CACNG2: variants seen among roughly 807,000 people sequenced by gnomAD.
CACNG2 encodes calcium voltage-gated channel auxiliary subunit gamma 2.
A neutral mutation model predicts 25.9 loss-of-function variants in CACNG2; 3 were observed. The ratio of observed to expected loss-of-function variants is 0.12; its 90% CI spans 0.05 to 0.30. The LOEUF (loss-of-function observed/expected upper bound fraction) is 0.30, where lower values mean the gene tolerates loss of function less well. Ranked by LOEUF, CACNG2 falls within the 10% of genes least tolerant of loss-of-function variation. The pLI is 1.00. For synonymous variants in CACNG2, 167 were observed against 173.3 expected (o/e 0.96, Z 0.29); for missense variants, 341 against 432.5 (o/e 0.79, Z 1.88).
chr22:36,608,901 A>T (rs372863949), intron 1 of CACNG2, among the ~76,000 whole-genome samples: 47 of 152,234 alleles, frequency 3.1e-4, no homozygotes, highest in African/African-American at 1.1e-3. Flanking sequence ...ATTGTTAATT[A>T]TTATTGTTGT....
chr22:36,634,521 G>A (rs1021788689), intron 1 of CACNG2, among the ~76,000 whole-genome samples: 2 of 152,066 alleles, frequency 1.3e-5, no homozygotes. Context: ...GTGATCTGGG[G>A]GTTTATTTAT....
chr22:36,675,816 C>T (rs1008529465), intron 1 of CACNG2, among the ~76,000 whole-genome samples: 2 of 152,220 alleles, frequency 1.3e-5, no homozygotes, highest in Non-Finnish European at 2.9e-5. Flanking sequence ...AAAAGAAAGG[C>T]TGATTTTACT....
chr22:36,606,612 G>A lies in CACNG2; in HGVS notation c.212-19064C>T, dbSNP rs1052422774. On this transcript the variant is annotated intron_variant, in intron 1 of 3. Coordinates refer to ENST00000300105, the MANE Select transcript of CACNG2 (RefSeq NM_006078.5). This position sits in a 1 kb window ranked among gnomAD's most constrained non-coding sequence, Gnocchi z 5.7. The stretch of plus-strand genomic sequence containing the variant: ...GAAGAAGCACCATCTCGGATGAGCC[G>A]TGAAGGATAAGTAAAAATTGGCAGA... 4.6e-5 allele frequency among the ~76,000 whole-genome samples: 7 copies of A among 152,092 alleles called. No individual in the cohort carries two copies. Among genetic ancestry groups the A allele is most frequent in the South Asian group, 2.1e-4 (1 of 4,822 alleles).
chr22:36,596,949 G>T (rs913574614), intron 1 of CACNG2, among the ~76,000 whole-genome samples: 1 of 151,844 alleles, frequency 6.6e-6, no homozygotes, highest in Non-Finnish European at 1.5e-5. Flanking sequence ...ATGGGGTCTC[G>T]CCATGTTGCC....
At chr22:36,621,570 A>AAC (rs960144060) in intron 1 of CACNG2, among the ~76,000 whole-genome samples, 2 of 88,316 alleles carry the variant, frequency 2.3e-5, no homozygotes, top group African/African-American at 1.9e-4. Context: ...ATTTTGCCTC[A>AAC]AAAAAAAAAA....
chr22:36,587,336 G>T (rs1278296134), intron 2 of CACNG2, 129 bp downstream of exon 2: 2 of 771,540 alleles, frequency 2.6e-6, no homozygotes, highest in Admixed American at 1.8e-5. Flanking sequence ...GGAAAGGAGA[G>T]AGGCTTAGCT....
chr22:36,690,325 G>T (rs1321786191), intron 1 of CACNG2, among the ~76,000 whole-genome samples: 1 of 151,896 alleles, frequency 6.6e-6, no homozygotes, highest in Non-Finnish European at 1.5e-5. Flanking sequence ...TGGCTGCCAA[G>T]CAGGGATAGG....
chr22:36,618,435 C>T (rs1172142874), intron 1 of CACNG2, among the ~76,000 whole-genome samples: 3 of 152,242 alleles, frequency 2.0e-5, no homozygotes, highest in African/African-American at 7.2e-5. Context: ...ATGGCCTAAG[C>T]GCCGGCTCTA....
At chr22:36,631,331 ACTTC>A (rs1936267056) in intron 1 of CACNG2, among the ~76,000 whole-genome samples, 2 of 152,194 alleles carry the variant, frequency 1.3e-5, no homozygotes, top group African/African-American at 2.4e-5. Flanking sequence ...GTGGTGTGTC[ACTTC>A]CCTGGGGTGC....
At chr22:36,581,010 T>C (rs1448156928) in intron 2 of CACNG2, among the ~76,000 whole-genome samples, 1 of 152,128 alleles carries the variant, frequency 6.6e-6, no homozygotes, top group Non-Finnish European at 1.5e-5. Context: ...CAAAGACAGA[T>C]GCATGGATGC....
At chr22:36,678,128 C>G (rs1232616418) in intron 1 of CACNG2, among the ~76,000 whole-genome samples, 2 of 152,162 alleles carry the variant, frequency 1.3e-5, no homozygotes, top group Non-Finnish European at 1.5e-5. Context: ...GGCAGCTGCT[C>G]ACCAGCCTGG....
intron 1 of CACNG2, among the ~76,000 whole-genome samples, chr22:36,656,179 G>A (rs1237001295): frequency 6.6e-6 from 1 of 152,120 alleles, no homozygotes; most frequent in Non-Finnish European, 1.5e-5. Context: ...GTATAGGATG[G>A]AACAATCTAA....
intron 1 of CACNG2, among the ~76,000 whole-genome samples, chr22:36,636,353 C>G (rs887965484): frequency 6.6e-6 from 1 of 152,122 alleles, no homozygotes; most frequent in Non-Finnish European, 1.5e-5. Context: ...CCATCCGTTT[C>G]TCATAGACTC....
intron 2 of CACNG2, among the ~76,000 whole-genome samples, chr22:36,577,487 T>C (rs1472920798): frequency 1.3e-5 from 2 of 151,626 alleles, no homozygotes; most frequent in Non-Finnish European, 2.9e-5. Flanking sequence ...CGGTCTCTAC[T>C]AAAAATACAA....
At chr22:36,618,088 G>A (rs1197226668) in intron 1 of CACNG2, among the ~76,000 whole-genome samples, 1 of 152,206 alleles carries the variant, frequency 6.6e-6, no homozygotes. Context: ...TTGTGTGCTG[G>A]TGACACCAGG....
At chr22:36,642,768 T>A (rs567659382) in intron 1 of CACNG2, among the ~76,000 whole-genome samples, 1 of 152,228 alleles carries the variant, frequency 6.6e-6, no homozygotes, top group African/African-American at 2.4e-5. Flanking sequence ...CAAAGACTTG[T>A]GTAATCATGG....
chr22:36,641,211 ATTTG>A lies in CACNG2; in HGVS notation c.212-53667_212-53664del, dbSNP rs530094144. Among the ~76,000 whole-genome samples the A allele has an allele frequency of 3.3e-4, 50 of 152,152 alleles. No individual in the cohort carries two copies. In the East Asian group the frequency reaches 9.3e-3, roughly 28 times the overall value. ...GTCACCACCTGATAAACATTTATGC[ATTTG>A]TTTGTTGATTGCCTCTTTCTTCCTA... On this transcript the variant is annotated intron_variant, in intron 1 of 3. Transcript: ENST00000300105.
rs980934064 is a variant in CACNG2 at position 36,606,844 on chromosome 22, T to C, written c.212-19296A>G. On this transcript the variant is annotated intron_variant, in intron 1 of 3. Transcript: ENST00000300105. The surrounding 1 kb of genome is among the most constrained non-coding windows in gnomAD (Gnocchi z 5.7). ...GTGTGTGTCTGTGGGTCTCTGTGTGTGTGTATGTATGTGTACGTGTGTATG... is the reference window on the plus strand; with the variant it reads ...GTGTGTGTCTGTGGGTCTCTGTGTGCGTGTATGTATGTGTACGTGTGTATG... Among the ~76,000 whole-genome samples, 1 of 150,960 alleles carries C rather than the reference T, an allele frequency of 6.6e-6. No homozygotes were observed. Among genetic ancestry groups the C allele is most frequent in the East Asian group, 1.9e-4 (1 of 5,160 alleles).
At chr22:36,648,124 A>C (rs1936555639) in intron 1 of CACNG2, among the ~76,000 whole-genome samples, 1 of 152,228 alleles carries the variant, frequency 6.6e-6, no homozygotes, top group Non-Finnish European at 1.5e-5. Context: ...GGTGCACACC[A>C]GCCAGTTAAC....
Sources: gnomAD v4.1 joint callset for allele counts (sites outside exome capture counted in the v4.1 genomes callset) on GRCh38, gnomAD v4.1.1 for gene constraint, Gnocchi (gnomAD v3.1) non-coding constraint, MANE v1.5 for transcripts, NCBI Gene and HGNC (gene_info 2026-07-23, HGNC 2026-07-21) for gene names.